Variants in LRRTM4 observed in about 807,000 individuals in gnomAD.
LRRTM4 encodes leucine rich repeat transmembrane neuronal 4, also known as leucine-rich repeat transmembrane neuronal protein 4.
A neutral mutation model predicts 47.6 loss-of-function variants in LRRTM4; 25 were observed. That is an observed-to-expected ratio of 0.53 (90% CI 0.38 to 0.73). The LOEUF is 0.73. Among genes scored for constraint, LRRTM4 ranks in the 30% least tolerant of loss-of-function variants. The probability of loss-of-function intolerance (pLI) is 0.00; values close to 1 mark genes in which losing one functional copy is unlikely to be tolerated. For missense variants in LRRTM4, 638 were observed against 713.4 expected, an observed-to-expected ratio of 0.89 and a Z score of 1.20; for synonymous variants, 311 against 269.5, an observed-to-expected ratio of 1.15 and a Z score of -1.51.
chr2:77,381,430 A>G (rs1209932084), intron 3 of LRRTM4, among the ~76,000 whole-genome samples: 3 of 152,130 alleles, frequency 2.0e-5, no homozygotes, highest in African/African-American at 4.8e-5. Flanking sequence ...GAGCAGCCGT[A>G]TAACAGCAAG....
In LRRTM4 at chr2:76,944,261, C is replaced by T. The variant is rs1398309679; in HGVS notation, c.1552-195345G>A. The stretch of plus-strand genomic sequence containing the variant: ...TAATTCCTCTCTTTTATGCTCCTGA[C>T]TCATCTTCCTATGTCATCTCCTTCA... On this transcript the variant is annotated intron_variant, in intron 3 of 3. Coordinates refer to ENST00000409884, the MANE Select transcript of LRRTM4 (RefSeq NM_001134745.3). 7.2e-5 allele frequency among the ~76,000 whole-genome samples: 11 copies of T among 152,094 alleles called. 1 individual carries two copies. In the South Asian group the frequency reaches 2.1e-3, roughly 29 times the overall value.
At chr2:77,506,431 C>T (rs752837139) in intron 3 of LRRTM4, among the ~76,000 whole-genome samples, 2 of 151,512 alleles carry the variant, frequency 1.3e-5, no homozygotes, top group African/African-American at 4.8e-5. Context: ...TTATTGTTGA[C>T]TTCAAAGACT....
At chr2:77,192,396 A>C (rs938827611) in intron 3 of LRRTM4, among the ~76,000 whole-genome samples, 2 of 152,034 alleles carry the variant, frequency 1.3e-5, no homozygotes, top group Admixed American at 1.3e-4. Flanking sequence ...TTACTTTCTC[A>C]TGAAACAACA....
chr2:76,952,383 C>T (rs560338143), intron 3 of LRRTM4, among the ~76,000 whole-genome samples: 2 of 151,918 alleles, frequency 1.3e-5, no homozygotes, highest in South Asian at 2.1e-4. Context: ...TAAAAATGGG[C>T]ATGAACAGAC....
intron 3 of LRRTM4, among the ~76,000 whole-genome samples, chr2:76,795,339 G>C (rs986216888): frequency 8.5e-5 from 12 of 140,776 alleles, no homozygotes; most frequent in Admixed American, 8.4e-4. Flanking sequence ...TTTCATGTCT[G>C]TGAGTTCTAT....
intron 3 of LRRTM4, among the ~76,000 whole-genome samples, chr2:76,980,317 G>A (rs1406113852): frequency 1.3e-5 from 2 of 152,014 alleles, no homozygotes; most frequent in Non-Finnish European, 2.9e-5. Context: ...CATCCCTGTA[G>A]CATTGTAACA....
intron 3 of LRRTM4, among the ~76,000 whole-genome samples, chr2:77,066,157 C>G (rs558445679): frequency 6.6e-6 from 1 of 152,228 alleles, no homozygotes; most frequent in East Asian, 1.9e-4. Flanking sequence ...GTGAGGAGCT[C>G]AGATACTGAG....
chr2:77,255,232 T>A (rs1675731243), intron 3 of LRRTM4, among the ~76,000 whole-genome samples: 1 of 151,962 alleles, frequency 6.6e-6, no homozygotes, highest in Non-Finnish European at 1.5e-5. Context: ...ATATTAAGCC[T>A]AAATATGCAT....
chr2:76,782,517 A>T (rs1347429363), intron 3 of LRRTM4, among the ~76,000 whole-genome samples: 1 of 152,212 alleles, frequency 6.6e-6, no homozygotes, highest in African/African-American at 2.4e-5. Flanking sequence ...GTGACTATGA[A>T]TTATTACAGC....
chr2:76,961,173 G>A (rs370616221), intron 3 of LRRTM4, among the ~76,000 whole-genome samples: 13 of 150,962 alleles, frequency 8.6e-5, no homozygotes, highest in African/African-American at 1.7e-4. Context: ...ACTATCTAAC[G>A]TTGTAAAAAG....
At chr2:76,770,609 T>A (rs968190474) in intron 3 of LRRTM4, among the ~76,000 whole-genome samples, 1 of 152,178 alleles carries the variant, frequency 6.6e-6, no homozygotes, top group Non-Finnish European at 1.5e-5. Flanking sequence ...GGTTTGGAGG[T>A]CATTTTAATT....
chr2:77,520,493 T>C (rs188027008), intron 2 of LRRTM4, among the ~76,000 whole-genome samples: 4 of 152,184 alleles, frequency 2.6e-5, no homozygotes, highest in Admixed American at 2.6e-4. Context: ...CGAGGTGCTC[T>C]CAAGTTGTTA....
At chr2:77,081,814 T>C (rs1008307189) in intron 3 of LRRTM4, among the ~76,000 whole-genome samples, 1 of 152,182 alleles carries the variant, frequency 6.6e-6, no homozygotes, top group African/African-American at 2.4e-5. Flanking sequence ...GTCAACTAAA[T>C]ATCCTTTTAG....
chr2:77,221,039 G>A (rs1204879710), intron 3 of LRRTM4, among the ~76,000 whole-genome samples: 2 of 152,114 alleles, frequency 1.3e-5, no homozygotes, highest in African/African-American at 4.8e-5. Context: ...GAAGAGAGTG[G>A]GGGCCAATAT....
At chr2:77,112,985 T>C (rs1008823112) in intron 3 of LRRTM4, among the ~76,000 whole-genome samples, 2 of 152,148 alleles carry the variant, frequency 1.3e-5, no homozygotes, top group African/African-American at 4.8e-5. Context: ...CGTCTTGTAA[T>C]TTAGCTAAAA....
intron 3 of LRRTM4, among the ~76,000 whole-genome samples, chr2:76,795,037 C>A (rs942885152): frequency 2.6e-5 from 4 of 151,688 alleles, no homozygotes; most frequent in Non-Finnish European, 4.4e-5. Context: ...AATAAAGATA[C>A]TTCTGTATGG....
chr2:77,222,158 T>C (rs10193753), intron 3 of LRRTM4, among the ~76,000 whole-genome samples: 82,825 of 151,886 alleles, frequency 0.55, 22,757 homozygotes, highest in Admixed American at 0.59. Context: ...TTGAAACCAA[T>C]GAGAACAAAG....
chr2:77,028,930 G>A (rs1488346645), intron 3 of LRRTM4, among the ~76,000 whole-genome samples: 1 of 151,130 alleles, frequency 6.6e-6, no homozygotes, highest in East Asian at 2.0e-4. Flanking sequence ...AGCTACTCGG[G>A]AGGCTGAGGC....
At chr2:77,147,324 T>A (rs1672285437) in intron 3 of LRRTM4, among the ~76,000 whole-genome samples, 1 of 152,198 alleles carries the variant, frequency 6.6e-6, no homozygotes, top group African/African-American at 2.4e-5. Flanking sequence ...TCAAATGTAA[T>A]GACTCAGCTC....
Sources: gnomAD v4.1 joint callset for allele counts (sites outside exome capture counted in the v4.1 genomes callset) on GRCh38, gnomAD v4.1.1 for gene constraint, MANE v1.5 for transcripts, NCBI Gene and HGNC (gene_info 2026-07-23, HGNC 2026-07-21) for gene names.